Variants in MESD observed in about 807,000 individuals in gnomAD.
The protein encoded by MESD is mesoderm development LRP chaperone.
A neutral mutation model predicts 12.9 loss-of-function variants in MESD; 7 were observed. That is an observed-to-expected ratio of 0.54 (90% CI 0.31 to 1.02). MESD has a LOEUF of 1.02. Among genes scored for constraint, MESD ranks in the 50% least tolerant of loss-of-function variants. The pLI is 0.05. For synonymous variants in MESD, 126 were observed against 115.6 expected (o/e 1.09, Z -0.58); for missense variants, 342 against 296.7 (o/e 1.15, Z -1.12).
chr15:80,981,539 C>A (rs1458947124), intron 2 of MESD, among the ~76,000 whole-genome samples: 1 of 151,512 alleles, frequency 6.6e-6, no homozygotes, highest in Non-Finnish European at 1.5e-5. Context: ...AGAAAGGACA[C>A]CCTGTTAAGA....
intron 2 of MESD, among the ~76,000 whole-genome samples, chr15:80,980,511 T>C (rs1902546929): frequency 2.0e-5 from 3 of 152,234 alleles, no homozygotes; most frequent in African/African-American, 4.8e-5. Flanking sequence ...CAGAAACTTC[T>C]AGCTGAAGCT....
chr15:80,981,930 G>A lies in MESD; in HGVS notation c.446+20C>T. The A allele has an allele frequency of 6.6e-7, 1 of 1,515,390 alleles. No individual in the cohort carries two copies. Among genetic ancestry groups the A allele is most frequent in the Non-Finnish European group, 9.2e-7 (1 of 1,090,558 alleles). The allele number at this position is 1,515,390 out of a possible 1,614,324, so 93.9% of individuals were successfully genotyped here. ...CCGAGCACAGCCTATGAGTCTCTCA[G>A]CTGGTTGTTGCTGCTTTACCTCTGG... On this transcript the variant is annotated intron_variant, in intron 2 of 2. Coordinates refer to ENST00000261758, the MANE Select transcript of MESD (RefSeq NM_015154.3).
In MESD at chr15:80,989,770, G is replaced by T; in HGVS notation, c.22C>A (p.Arg8Ser). The T allele has an allele frequency of 6.3e-7, 1 of 1,591,040 alleles. No homozygotes were observed. The highest frequency in any genetic ancestry group is 8.5e-7 in the Non-Finnish European group (1 of 1,175,418). The change falls in exon 1 of 3, where the codon CGC becomes AGC. Residue 8 changes from arginine to serine, a missense_variant. Coordinates refer to ENST00000261758, the MANE Select transcript of MESD (RefSeq NM_015154.3). ...GCACAAAGCAGGACCACGGCCTTGC[G>T]CGCCCACCTGGAAGCCGCCATTTTC... is the stretch of plus-strand genomic sequence containing the variant. MAASRWA[R>S]KAVVLLCASD...
chr15:80,980,480 C>T (rs1008876559), intron 2 of MESD, among the ~76,000 whole-genome samples: 5 of 152,190 alleles, frequency 3.3e-5, no homozygotes, highest in African/African-American at 9.7e-5. Context: ...CATAGCTACA[C>T]ACAAAGCACT....
At chr15:80,952,206 G>T (rs1901858041) in exon 4 of MESD, 1 of 456,150 alleles carries the variant, frequency 2.2e-6, no homozygotes. Context: ...TGGGGGCTGA[G>T]GTGGGAAAAA....
intron 3 of MESD, chr15:80,970,596 G>C (rs144412646): frequency 6.6e-6 from 1 of 152,128 alleles, no homozygotes; most frequent in Non-Finnish European, 1.5e-5. Context: ...TCTGCTTCCC[G>C]GCCCCAAATG....
In MESD at chr15:80,982,201, A is replaced by G. The variant is rs777412094; in HGVS notation, c.214-19T>C. ...CATCTTTCTATCAGATTAGGGGAAA[A>G]GCATCAAACCTATCATCAGAATCTT... is the stretch of plus-strand genomic sequence containing the variant. On this transcript the variant is annotated intron_variant, in intron 1 of 2. Coordinates refer to ENST00000261758, the MANE Select transcript of MESD (RefSeq NM_015154.3). 3.1e-6 allele frequency: 5 copies of G among 1,601,676 alleles called. No homozygotes were observed. The African/African-American group carries it at 6.7e-5, about 22-fold the overall frequency.
At chr15:80,950,678 T>C (rs1448478150) in intron 4 of MESD, 6 of 152,630 alleles carry the variant, frequency 3.9e-5, no homozygotes, top group Non-Finnish European at 8.8e-5. Context: ...TCTGAACAGC[T>C]ATTGGGTCCA....
At chr15:80,966,384 T>C (rs534969758) in intron 3 of MESD, among the ~76,000 whole-genome samples, 1 of 152,390 alleles carries the variant, frequency 6.6e-6, no homozygotes, top group African/African-American at 2.4e-5. Context: ...TGAACTATTA[T>C]ACCTCATCAA....
intron 3 of MESD, among the ~76,000 whole-genome samples, chr15:80,960,190 C>G (rs1022344955): frequency 4.6e-5 from 7 of 152,022 alleles, no homozygotes; most frequent in African/African-American, 1.7e-4. Flanking sequence ...ATGGAAAAAA[C>G]CCCATCTCTA....
At chr15:80,959,712 A>G (rs1902052907) in intron 3 of MESD, among the ~76,000 whole-genome samples, 1 of 152,212 alleles carries the variant, frequency 6.6e-6, no homozygotes, top group Non-Finnish European at 1.5e-5. Flanking sequence ...GTGCCCCTGC[A>G]GGAGCCAGCA....
At chr15:80,987,982 A>T (rs1902779720) in intron 1 of MESD, among the ~76,000 whole-genome samples, 1 of 152,194 alleles carries the variant, frequency 6.6e-6, no homozygotes, top group Non-Finnish European at 1.5e-5. Flanking sequence ...TAAAAAACAA[A>T]ATCAACCATC....
At chr15:80,967,010 TG>T in intron 3 of MESD, among the ~76,000 whole-genome samples, 1 of 152,130 alleles carries the variant, frequency 6.6e-6, no homozygotes, top group East Asian at 1.9e-4. Context: ...TAGAAGCCCT[TG>T]GCCGGGCGCA....
chr15:80,948,800 A>G (rs1192345553), exon 5 of MESD: 2 of 1,614,088 alleles, frequency 1.2e-6, no homozygotes, highest in Non-Finnish European at 1.7e-6. Flanking sequence ...TTTTCAGAGC[A>G]AATGGCATTC....
chr15:80,967,722 G>T (rs1254781894), intron 3 of MESD, among the ~76,000 whole-genome samples: 1 of 152,196 alleles, frequency 6.6e-6, no homozygotes, highest in Non-Finnish European at 1.5e-5. Context: ...GCCCTCCTTG[G>T]CTGAGAGCTG....
chr15:80,949,056 G>A, intron 4 of MESD: 1 of 1,229,610 alleles, frequency 8.1e-7, no homozygotes, highest in Admixed American at 1.7e-5. Context: ...CAGCCCTGAT[G>A]GGCCAAGGGA....
In MESD at chr15:80,952,064, C is replaced by T. The variant is rs143745630; in HGVS notation, c.*521G>A. ...GGCCATGTCCAGAACTTGCTGCGTC[C>T]TCCACATTTCTAAGCTGTCAGGAGG... On this transcript the variant is annotated 3_prime_UTR_variant, in exon 4 of 5. Coordinates refer to the MESD transcript ENST00000561312. 2.3e-3 allele frequency: 911 copies of T among 401,102 alleles called. 16 individuals are homozygous for T. The highest frequency in any genetic ancestry group is 0.013 in the South Asian group (737 of 56,686). 24.8% of individuals were successfully genotyped at this position (401,102 alleles called of 1,614,324 possible).
chr15:80,956,316 A>C (rs1352278591), intron 3 of MESD, among the ~76,000 whole-genome samples: 2 of 152,232 alleles, frequency 1.3e-5, no homozygotes, highest in Non-Finnish European at 2.9e-5. Context: ...CTCTGGGCTA[A>C]GAATCGGAAG....
chr15:80,981,625 G>A (rs1902581480), intron 2 of MESD, among the ~76,000 whole-genome samples: 1 of 152,086 alleles, frequency 6.6e-6, no homozygotes, highest in African/African-American at 2.4e-5. Flanking sequence ...GGAGGCTGAG[G>A]CGGGTGCATC....
Sources: allele counts gnomAD v4.1 joint callset (sites outside exome capture counted in the v4.1 genomes callset), GRCh38; gene constraint gnomAD v4.1.1; transcripts MANE v1.5; gene names NCBI Gene and HGNC (gene_info 2026-07-23, HGNC 2026-07-21).